The following TXNDC16 variants were observed in gnomAD, a reference collection of about 807,000 sequenced individuals.
The protein encoded by TXNDC16 is thioredoxin domain-containing protein 16.
Under a neutral mutation model 85.6 loss-of-function variants are expected in TXNDC16, and 74 were observed. The observed-to-expected ratio is 0.86, with a 90% CI of 0.72 to 1.05. TXNDC16 has a LOEUF of 1.05. Among genes scored for constraint, TXNDC16 ranks in the 50% least tolerant of loss-of-function variants. The pLI, the probability that TXNDC16 is intolerant of heterozygous loss-of-function variation, is 0.00. For synonymous variants in TXNDC16, 335 were observed against 326.5 expected, an observed-to-expected ratio of 1.03 and a Z score of -0.28; for missense variants, 959 against 947.0, an observed-to-expected ratio of 1.01 and a Z score of -0.17.
At chr14:52,479,394 G>A (rs1311578524) in intron 14 of TXNDC16, among the ~76,000 whole-genome samples, 3 of 152,016 alleles carry the variant, frequency 2.0e-5, no homozygotes, top group Admixed American at 2.0e-4. Flanking sequence ...CTGGTGATAT[G>A]ATTGTTTATC....
intron 9 of TXNDC16, among the ~76,000 whole-genome samples, chr14:52,493,216 T>TATATATATACACACACACACACACAC: frequency 1.7e-5 from 2 of 115,938 alleles, no homozygotes; most frequent in African/African-American, 7.1e-5. Flanking sequence ...TATATATATA[T>TATATATATACACACACACACACACAC]ACACACACAC....
chr14:52,457,653 T>C (rs922573804), intron 16 of TXNDC16, among the ~76,000 whole-genome samples: 2 of 152,150 alleles, frequency 1.3e-5, no homozygotes, highest in African/African-American at 4.8e-5. Context: ...TGTGTTAGGG[T>C]TGTGCAAGTA....
At chr14:52,496,849 G>A (rs374545622) in intron 9 of TXNDC16, among the ~76,000 whole-genome samples, 9 of 151,870 alleles carry the variant, frequency 5.9e-5, no homozygotes, top group East Asian at 3.9e-4. Context: ...GACCTCAAGC[G>A]ATCCACCCAA....
chr14:52,479,362 G>A lies in TXNDC16; in HGVS notation c.1312+2868C>T, dbSNP rs2036093693. On this transcript the variant is annotated intron_variant, in intron 14 of 20. Transcript: ENST00000281741. ...TAAAGGCATCCAAACTGGTAAAGAG[G>A]AAGTCAAACTGTTGCTGTTTGCTGG... 2.6e-5 allele frequency among the ~76,000 whole-genome samples: 4 copies of A among 152,214 alleles called. No homozygotes were observed. In the South Asian group the frequency reaches 8.3e-4, roughly 32 times the overall value.
intron 1 of TXNDC16, among the ~76,000 whole-genome samples, chr14:52,545,742 G>C (rs1391746691): frequency 6.6e-6 from 1 of 152,170 alleles, no homozygotes; most frequent in African/African-American, 2.4e-5. Flanking sequence ...AGAAGAAAGA[G>C]GGGAAAGGGA....
intron 14 of TXNDC16, among the ~76,000 whole-genome samples, chr14:52,473,088 A>G (rs555934917): frequency 6.6e-6 from 1 of 152,246 alleles, no homozygotes; most frequent in South Asian, 2.1e-4. Context: ...TATGAGCCCT[A>G]TGTAAATCAG....
Position 52,470,034 on chromosome 14 carries a change from T to A in TXNDC16, c.1618+3A>T, listed in dbSNP as rs748812762. The A allele has an allele frequency of 3.1e-6, 5 of 1,604,670 alleles. No homozygotes were observed. In the Admixed American group the frequency reaches 8.6e-5, roughly 28 times the overall value. On this transcript the variant is annotated splice_donor_region_variant and intron_variant, in intron 16 of 20. Coordinates refer to ENST00000281741, the MANE Select transcript of TXNDC16 (RefSeq NM_020784.3). Reference sequence around the variant, plus strand: ...TATAATTTAAAAGCTCAGCTCTGCTTACCTGTTTTCATGGTTGGACTAAAT... The same window carrying A: ...TATAATTTAAAAGCTCAGCTCTGCTAACCTGTTTTCATGGTTGGACTAAAT...
At chr14:52,507,315 T>C (rs1427009053) in intron 9 of TXNDC16, among the ~76,000 whole-genome samples, 4 of 151,990 alleles carry the variant, frequency 2.6e-5, no homozygotes, top group Non-Finnish European at 5.9e-5. Context: ...CCATTCACAA[T>C]TGCTTCAAAG....
chr14:52,514,834 G>GAAA, intron 8 of TXNDC16, 46 bp downstream of exon 8: 29 of 1,314,152 alleles, frequency 2.2e-5, no homozygotes, highest in East Asian at 2.5e-5. Context: ...AAGTGAAGAA[G>GAAA]AAAAAAAAAA....
At chr14:52,473,808 T>C (rs2035959990) in intron 14 of TXNDC16, among the ~76,000 whole-genome samples, 1 of 152,224 alleles carries the variant, frequency 6.6e-6, no homozygotes, top group Non-Finnish European at 1.5e-5. Context: ...ACATTCTTCA[T>C]TGTCTTCGAC....
At chr14:52,490,688 T>C (rs545146588) in intron 10 of TXNDC16, 151 bp downstream of exon 10, 4 of 880,398 alleles carry the variant, frequency 4.5e-6, no homozygotes, top group South Asian at 3.9e-5. Flanking sequence ...CTTAAATGAA[T>C]GTACAGATTT....
chr14:52,505,188 C>T (rs548521747), intron 9 of TXNDC16, among the ~76,000 whole-genome samples: 30 of 152,218 alleles, frequency 2.0e-4, no homozygotes, highest in African/African-American at 6.3e-4. Flanking sequence ...CAAGGATATC[C>T]AGGAATTGAA....
intron 6 of TXNDC16, among the ~76,000 whole-genome samples, chr14:52,533,562 T>C (rs748980906): frequency 1.3e-5 from 2 of 152,130 alleles, no homozygotes; most frequent in Non-Finnish European, 2.9e-5. Flanking sequence ...GGTGTTAAAG[T>C]AGTCAATCAG....
intron 19 of TXNDC16, among the ~76,000 whole-genome samples, 183 bp from the exon 20 acceptor site, chr14:52,439,577 CT>C (rs1161410673): frequency 6.6e-6 from 1 of 152,126 alleles, no homozygotes; most frequent in African/African-American, 2.4e-5. Flanking sequence ...TTTAAAGTTT[CT>C]TTTTAACATG....
intron 6 of TXNDC16, among the ~76,000 whole-genome samples, chr14:52,531,882 A>G (rs956924306): frequency 1.3e-5 from 2 of 152,152 alleles, no homozygotes; most frequent in African/African-American, 4.8e-5. Flanking sequence ...TAATAGGGAA[A>G]ATTATATATA....
At chr14:52,465,750 G>T (rs1042554971) in intron 16 of TXNDC16, among the ~76,000 whole-genome samples, 8 of 152,142 alleles carry the variant, frequency 5.3e-5, no homozygotes, top group Non-Finnish European at 1.2e-4. Flanking sequence ...TTCCTGTGAA[G>T]CAAGAGATAA....
chr14:52,543,470 C>G lies in TXNDC16; in HGVS notation c.88G>C (p.Glu30Gln), dbSNP rs370178704. 226 of 1,613,458 alleles carry G rather than the reference C, an allele frequency of 1.4e-4. 1 individual carries two copies. Among genetic ancestry groups the G allele is most frequent in the Admixed American group, 1.2e-3 (69 of 59,956 alleles). ...CTAAAATATTTCTGAGGACTCAGTT[C>G]TGGTAAAGAGTTTACTGTTGGCATG... ...FYMPTVNSLP[E>Q]LSPQKYFSTL... is the part of the protein sequence containing the mutation. Residue 30 changes from glutamate (E) to glutamine (Q), a missense_variant, in exon 3 of 21, where the codon GAA (glutamate) becomes CAA (glutamine). Physicochemically the swap from Glu to Gln is conservative, Grantham distance 29 (BLOSUM62 2). Coordinates refer to ENST00000281741, the MANE Select transcript of TXNDC16 (RefSeq NM_020784.3).
At chr14:52,493,758 T>C (rs963014601) in intron 9 of TXNDC16, among the ~76,000 whole-genome samples, 1 of 151,872 alleles carries the variant, frequency 6.6e-6, no homozygotes, top group African/African-American at 2.4e-5. Context: ...GAAGATGCAT[T>C]CTCCTAAACT....
chr14:52,500,256 A>G (rs766008099), intron 9 of TXNDC16, among the ~76,000 whole-genome samples: 11 of 152,242 alleles, frequency 7.2e-5, no homozygotes, highest in Non-Finnish European at 1.3e-4. Context: ...TATACGTCCA[A>G]CGGAATATTA....
Sources: allele counts gnomAD v4.1 joint callset (sites outside exome capture counted in the v4.1 genomes callset), GRCh38; gene constraint gnomAD v4.1.1; transcripts MANE v1.5; gene names NCBI Gene and HGNC (gene_info 2026-07-23, HGNC 2026-07-21).